The following ABI1 variants were observed in gnomAD, a reference collection of about 807,000 sequenced individuals.
ABI1 encodes the protein Abelson interactor 1.
Under a neutral mutation model 54.6 loss-of-function variants are expected in ABI1, and 14 were observed. The observed-to-expected ratio is 0.26, with a 90% confidence interval of 0.17 to 0.40. The LOEUF (loss-of-function observed/expected upper bound fraction) is 0.40. Among genes scored for constraint, ABI1 ranks in the 10% least tolerant of loss-of-function variants. The pLI is 1.00. For synonymous variants in ABI1, 194 were observed against 209.3 expected (o/e 0.93, Z 0.63); for missense variants, 443 against 598.3 (o/e 0.74, Z 2.71).
At chr10:26,803,696 G>A (rs115483447) in intron 2 of ABI1, among the ~76,000 whole-genome samples, 23 of 152,220 alleles carry the variant, frequency 1.5e-4, no homozygotes, top group African/African-American at 5.5e-4. Flanking sequence ...CTTCAAAATG[G>A]AGAATCTTTC....
intron 1 of ABI1, among the ~76,000 whole-genome samples, chr10:26,842,052 G>T (rs1401955085): frequency 3.9e-5 from 6 of 152,132 alleles, no homozygotes. Context: ...CCCACCAACA[G>T]TGTACAAGGG....
intron 2 of ABI1, among the ~76,000 whole-genome samples, chr10:26,793,126 T>C (rs1427502888): frequency 1.3e-5 from 2 of 152,176 alleles, no homozygotes; most frequent in African/African-American, 2.4e-5. Flanking sequence ...ACACAATAAA[T>C]GTTTGCTAAA....
chr10:26,767,154 T>C (rs1840062931), intron 6 of ABI1, among the ~76,000 whole-genome samples: 1 of 152,234 alleles, frequency 6.6e-6, no homozygotes, highest in Non-Finnish European at 1.5e-5. Context: ...ATGATTAAAC[T>C]ATGCTTCCAC....
intron 10 of ABI1, among the ~76,000 whole-genome samples, chr10:26,751,397 A>G (rs558345805): frequency 6.6e-6 from 1 of 152,210 alleles, no homozygotes; most frequent in East Asian, 1.9e-4. Context: ...TAACACTGCA[A>G]CTTTTATTTA....
chr10:26,833,769 TACAC>T (rs61653104), intron 1 of ABI1, among the ~76,000 whole-genome samples: 103,410 of 150,168 alleles, frequency 0.69, 36,722 homozygotes, highest in Non-Finnish European at 0.79. Context: ...ACAATATTTA[TACAC>T]ACACACACAC....
intron 1 of ABI1, among the ~76,000 whole-genome samples, chr10:26,857,858 A>G (rs907955115): frequency 3.3e-5 from 5 of 151,214 alleles, no homozygotes; most frequent in Non-Finnish European, 7.4e-5. Context: ...CAAAAAAAAA[A>G]AAAAAAAGAA....
At chr10:26,840,346 G>A (rs1386376682) in intron 1 of ABI1, among the ~76,000 whole-genome samples, 1 of 152,188 alleles carries the variant, frequency 6.6e-6, no homozygotes, top group Non-Finnish European at 1.5e-5. Flanking sequence ...GAAGCAACTT[G>A]AAGCACTCAT....
At chr10:26,801,179 T>G (rs764488491) in intron 2 of ABI1, among the ~76,000 whole-genome samples, 3 of 152,238 alleles carry the variant, frequency 2.0e-5, no homozygotes, top group Non-Finnish European at 4.4e-5. Context: ...ATGGTAGCAA[T>G]GTATCAGTGG....
chr10:26,763,848 G>T, intron 7 of ABI1: 5 of 1,574,432 alleles, frequency 3.2e-6, no homozygotes, highest in Non-Finnish European at 4.4e-6. Context: ...TGTAAAGTGA[G>T]TTCAATGGCT....
intron 2 of ABI1, among the ~76,000 whole-genome samples, chr10:26,785,083 C>T (rs10741118): frequency 0.32 from 47,896 of 151,986 alleles, 8,010 homozygotes; most frequent in East Asian, 0.53. Flanking sequence ...ATCCTGTTGA[C>T]AGTAACTGTA....
chr10:26,831,168 A>C (rs9804395), intron 1 of ABI1, among the ~76,000 whole-genome samples: 38,290 of 151,944 alleles, frequency 0.25, 5,425 homozygotes, highest in South Asian at 0.42. Context: ...ATCTGTCACA[A>C]CATATTTGTC....
chr10:26,858,807 A>G (rs1036563135), intron 1 of ABI1, among the ~76,000 whole-genome samples: 1 of 152,194 alleles, frequency 6.6e-6, no homozygotes, highest in Non-Finnish European at 1.5e-5. Context: ...ACACGTTTAC[A>G]GTTACTAACA....
intron 2 of ABI1, among the ~76,000 whole-genome samples, chr10:26,822,605 A>C (rs532515328): frequency 9.9e-5 from 15 of 152,266 alleles, no homozygotes; most frequent in Admixed American, 7.8e-4. Flanking sequence ...AGACCAAAAA[A>C]AAAATTAGTA....
At chr10:26,774,607 AT>A (rs1841147390) in intron 3 of ABI1, among the ~76,000 whole-genome samples, 1 of 152,098 alleles carries the variant, frequency 6.6e-6, no homozygotes, top group Non-Finnish European at 1.5e-5. Context: ...ATATTTTTAA[AT>A]TCCTATTAAA....
At position 26,748,609 on chromosome 10, in the gene ABI1, A is replaced by T; in HGVS notation, c.1407T>A (p.Pro469=). The change falls in exon 11 of 11, where the codon CCT becomes CCA. Residue 469 remains proline (P), a synonymous_variant. Coordinates refer to ENST00000376140, the MANE Select transcript of ABI1 (RefSeq NM_001012750.3). The part of the protein sequence containing the change: ...GVCNRVTGLF[P]GNYVESIMHY... ...GCATGATTGATTCAACATAGTTCCC[A>T]GGGAACAGACCAGTCACTCGATTGC... 2 of 1,613,512 alleles carry T rather than the reference A, an allele frequency of 1.2e-6. No homozygotes were observed. Among genetic ancestry groups the T allele is most frequent in the Non-Finnish European group, 1.7e-6 (2 of 1,179,782 alleles).
intron 2 of ABI1, among the ~76,000 whole-genome samples, chr10:26,791,614 G>A (rs1264089271): frequency 6.6e-6 from 1 of 152,124 alleles, no homozygotes; most frequent in Non-Finnish European, 1.5e-5. Flanking sequence ...TGCCTATTGA[G>A]ATACGAAGCC....
intron 2 of ABI1, among the ~76,000 whole-genome samples, chr10:26,802,677 T>C (rs1030852727): frequency 2.0e-5 from 3 of 152,040 alleles, no homozygotes; most frequent in Admixed American, 1.3e-4. Flanking sequence ...TACTTCTAAA[T>C]CCAAATGGCA....
At chr10:26,788,390 C>CA (rs1842967276) in intron 2 of ABI1, among the ~76,000 whole-genome samples, 1 of 152,028 alleles carries the variant, frequency 6.6e-6, no homozygotes, top group South Asian at 2.1e-4. Context: ...TTGCTTGATA[C>CA]AAAAAAGTAC....
At chr10:26,829,511 A>G (rs1010233274) in intron 1 of ABI1, among the ~76,000 whole-genome samples, 2 of 152,224 alleles carry the variant, frequency 1.3e-5, no homozygotes, top group Non-Finnish European at 2.9e-5. Flanking sequence ...AATGTATGTT[A>G]ATTAGCTTAA....
Sources: allele counts gnomAD v4.1 joint callset (sites outside exome capture counted in the v4.1 genomes callset), GRCh38; gene constraint gnomAD v4.1.1; transcripts MANE v1.5; gene names NCBI Gene and HGNC (gene_info 2026-07-23, HGNC 2026-07-21).